SCNN1G: variants seen among roughly 807,000 people sequenced by gnomAD.
The protein encoded by SCNN1G is epithelial sodium channel subunit gamma.
A neutral mutation model predicts 64.6 loss-of-function variants in SCNN1G; 27 were observed. The observed-to-expected ratio is 0.42, with a 90% CI of 0.31 to 0.58. The LOEUF is 0.58. Among genes scored for constraint, SCNN1G ranks in the 20% least tolerant of loss-of-function variants. The probability of loss-of-function intolerance (pLI) is 0.18; values close to 1 mark genes in which losing one functional copy is unlikely to be tolerated. For missense variants in SCNN1G, 743 were observed against 823.4 expected (o/e 0.90, Z 1.19); for synonymous variants, 330 against 314.2 (o/e 1.05, Z -0.53).
chr16:23,212,857 C>T lies in SCNN1G; in HGVS notation c.1394C>T (p.Thr465Ile). ...EACSFKEWTL[T>I]TSLAQWPSVV... ...CTTAGCTTTAAAGAGTGGACACTAA[C>T]CACAAGCCTGGCACAATGGCCATCT... The change falls in exon 10 of 13, where the codon ACC becomes ATC. Residue 465 changes from threonine (T) to isoleucine (I), a missense_variant. Thr to Ile is a moderately conservative substitution (Grantham distance 89, BLOSUM62 -1). Transcript: ENST00000300061. 1 of 1,614,182 alleles carries T rather than the reference C, an allele frequency of 6.2e-7. No homozygotes were observed. Among genetic ancestry groups the T allele is most frequent in the South Asian group, 1.1e-5 (1 of 91,086 alleles).
chr16:23,208,669 C>T (rs1960031527), intron 6 of SCNN1G, among the ~76,000 whole-genome samples: 1 of 139,534 alleles, frequency 7.2e-6, no homozygotes, highest in Non-Finnish European at 1.5e-5. Flanking sequence ...CTTTCTTTCT[C>T]TCTCTTCTTT....
At chr16:23,210,525 C>G (rs372696160) in intron 7 of SCNN1G, among the ~76,000 whole-genome samples, 9 of 152,344 alleles carry the variant, frequency 5.9e-5, no homozygotes, top group African/African-American at 2.2e-4. Context: ...CCATCACTGT[C>G]TCCTGTAGAC....
At chr16:23,201,884 G>A (rs940964006) in intron 6 of SCNN1G, among the ~76,000 whole-genome samples, 4 of 152,248 alleles carry the variant, frequency 2.6e-5, no homozygotes, top group East Asian at 1.9e-4. Flanking sequence ...ATGACAGCTC[G>A]CAGATCACAG....
At chr16:23,194,728 G>A (rs1959769139) in intron 5 of SCNN1G, 2 of 207,534 alleles carry the variant, frequency 9.6e-6, no homozygotes, top group African/African-American at 4.6e-5. Context: ...GCAAGTTACT[G>A]CGCTTCGTCT....
At chr16:23,209,924 G>T (rs1417393474) in intron 7 of SCNN1G, 76 bp downstream of exon 7, 17 of 1,022,302 alleles carry the variant, frequency 1.7e-5, no homozygotes, top group Non-Finnish European at 2.3e-5. Context: ...CTAAGCTGGG[G>T]TGTGGCTTGC....
chr16:23,192,552 G>T lies in SCNN1G; in HGVS notation c.809+10G>T. The T allele has an allele frequency of 6.2e-7, 1 of 1,608,452 alleles. No homozygotes were observed. Among genetic ancestry groups the T allele is most frequent in the South Asian group, 1.1e-5 (1 of 90,496 alleles). On this transcript the variant is annotated intron_variant, in intron 4 of 12. Transcript: ENST00000300061. ...TGTCCTGTGATGCCAGGTCAGGAGAGAATGCTGCTCTCTCAGCCTCTAAGG... is the reference window on the plus strand; with the variant it reads ...TGTCCTGTGATGCCAGGTCAGGAGATAATGCTGCTCTCTCAGCCTCTAAGG...
chr16:23,205,041 G>T (rs1959967668), intron 6 of SCNN1G, among the ~76,000 whole-genome samples: 1 of 152,106 alleles, frequency 6.6e-6, no homozygotes, highest in African/African-American at 2.4e-5. Context: ...TCAAACTCCT[G>T]ACCTCAAGTG....
At position 23,215,466 on chromosome 16, in the gene SCNN1G, C is replaced by G. The variant is rs5723; in HGVS notation, c.1947C>G (p.Leu649=). Reference sequence around the variant, plus strand: ...CAGATACCCAGATGCTGGATGAGCTCTGAGGCAGGGTTGAGAAGACAGATC... The same window carrying G: ...CAGATACCCAGATGCTGGATGAGCTGTGAGGCAGGGTTGAGAAGACAGATC... The part of the protein sequence containing the change: ...QLTDTQMLDE[L] The change falls in exon 13 of 13, where the codon CTC becomes CTG. Residue 649 remains leucine (L), a synonymous_variant. Transcript: ENST00000300061. 0.21 allele frequency: 330,923 copies of G among 1,608,242 alleles called. 35,956 individuals carry two copies. Among genetic ancestry groups the G allele is most frequent in the African/African-American group, 0.25 (18,633 of 74,982 alleles).
At chr16:23,189,041 C>G (rs905836437) in intron 2 of SCNN1G, among the ~76,000 whole-genome samples, 1 of 152,078 alleles carries the variant, frequency 6.6e-6, no homozygotes, top group Non-Finnish European at 1.5e-5. Flanking sequence ...CTCACTGTGG[C>G]TGGTTTATGG....
chr16:23,187,112 T>TTC (rs1316823265), intron 2 of SCNN1G, among the ~76,000 whole-genome samples: 1 of 148,152 alleles, frequency 6.7e-6, no homozygotes, highest in Non-Finnish European at 1.5e-5. Context: ...TTTTCTTTTT[T>TTC]TTTTTTTTTT....
intron 11 of SCNN1G, among the ~76,000 whole-genome samples, chr16:23,213,531 C>T (rs1010240299): frequency 6.6e-6 from 1 of 152,284 alleles, no homozygotes. Context: ...GGATTATAGG[C>T]GTGAGCCACC....
At chr16:23,190,304 G>T (rs1596763637) in intron 3 of SCNN1G, among the ~76,000 whole-genome samples, 1 of 150,226 alleles carries the variant, frequency 6.7e-6, no homozygotes, top group South Asian at 2.2e-4. Flanking sequence ...GGAAAGAAAG[G>T]AAAGACACCC....
chr16:23,186,389 G>A lies in SCNN1G; in HGVS notation c.118G>A (p.Gly40Ser). ...GTACTGCCTCAACACCAACACCCAT[G>A]GCTGTCGCCGCATCGTGGTGTCCCG... ...RWYCLNTNTH[G>S]CRRIVVSRGR... is the part of the protein sequence containing the mutation. The change falls in exon 2 of 13, where the codon GGC becomes AGC. Residue 40 changes from glycine to serine, a missense_variant. Gly to Ser is a moderately conservative substitution (Grantham distance 56, BLOSUM62 0). Coordinates refer to ENST00000300061, the MANE Select transcript of SCNN1G (RefSeq NM_001039.4). 6.2e-7 allele frequency: 1 copy of A among 1,614,270 alleles called. No individual in the cohort carries two copies. Among genetic ancestry groups the A allele is most frequent in the African/African-American group, 1.3e-5 (1 of 75,070 alleles).
Position 23,189,546 on chromosome 16 carries a change from C to A in SCNN1G, c.493C>A (p.Gln165Lys). 6.2e-7 allele frequency: 1 copy of A among 1,614,232 alleles called. No homozygotes were observed. Among genetic ancestry groups the A allele is most frequent in the Non-Finnish European group, 8.5e-7 (1 of 1,180,038 alleles). Residue 165 changes from glutamine (Q) to lysine (K), a missense_variant, in exon 3 of 13, where the codon CAG becomes AAG. Coordinates refer to ENST00000300061, the MANE Select transcript of SCNN1G (RefSeq NM_001039.4). ...CCGGATTCCGCTGCTGATCTTTGAT[C>A]AGGATGAGAAGGGCAAGGCCAGGGA... ...SHRIPLLIFD[Q>K]DEKGKARDFF...
At position 23,186,241 on chromosome 16, in the gene SCNN1G, A is replaced by G. The variant is rs5732; in HGVS notation, c.-31A>G. ...TTGCCCCTCCAGCACGCCCGTCCTC[A>G]GAGTCCCGTCCTCAAAGTCCCATCC... is the stretch of plus-strand genomic sequence containing the variant. On this transcript the variant is annotated 5_prime_UTR_variant, in exon 2 of 13. Coordinates refer to ENST00000300061, the MANE Select transcript of SCNN1G (RefSeq NM_001039.4). 0.23 allele frequency: 371,104 copies of G among 1,610,944 alleles called. 44,618 individuals carry two copies. Among genetic ancestry groups the G allele is most frequent in the Admixed American group, 0.37 (22,103 of 59,864 alleles).
Position 23,190,681 on chromosome 16 carries a change from A to G in SCNN1G, c.618+1010A>G, listed in dbSNP as rs1375342195. 2.0e-5 allele frequency among the ~76,000 whole-genome samples: 3 copies of G among 152,232 alleles called. No individual in the cohort carries two copies. In the East Asian group the frequency reaches 5.8e-4, roughly 29 times the overall value. Reference sequence around the variant, plus strand: ...TCACCAGGCTGTATCCAGAGGGGGAAAGGAAATTCTTCCAAAGCAAAATTG... The same window carrying G: ...TCACCAGGCTGTATCCAGAGGGGGAGAGGAAATTCTTCCAAAGCAAAATTG... On this transcript the variant is annotated intron_variant, in intron 3 of 12. Coordinates refer to ENST00000300061, the MANE Select transcript of SCNN1G (RefSeq NM_001039.4).
chr16:23,192,349 C>G lies in SCNN1G; in HGVS notation c.619-3C>G. 6.2e-7 allele frequency: 1 copy of G among 1,613,346 alleles called. No individual in the cohort carries two copies. Among genetic ancestry groups the G allele is most frequent in the Non-Finnish European group, 8.5e-7 (1 of 1,179,294 alleles). ...TCAGCCTCGCATCTCCTCTTATTCA[C>G]AGTGCTCAAATGACACCTCCGACTG... On this transcript the variant is annotated splice_polypyrimidine_tract_variant and splice_region_variant and intron_variant, in intron 3 of 12. Transcript: ENST00000300061.
chr16:23,187,882 G>C (rs532030917), intron 2 of SCNN1G, among the ~76,000 whole-genome samples: 1 of 152,134 alleles, frequency 6.6e-6, no homozygotes, highest in Non-Finnish European at 1.5e-5. Context: ...AAGAAGAACA[G>C]GGGAGAAAGA....
intron 9 of SCNN1G, 30 bp downstream of exon 9, chr16:23,212,786 G>A (rs1189432114): frequency 3.1e-6 from 5 of 1,613,538 alleles, no homozygotes; most frequent in Non-Finnish European, 3.4e-6. Context: ...TGAGACGGGT[G>A]GCTGGGTTGG....
Sources: gnomAD v4.1 joint callset for allele counts (sites outside exome capture counted in the v4.1 genomes callset) on GRCh38, gnomAD v4.1.1 for gene constraint, MANE v1.5 for transcripts, NCBI Gene and HGNC (gene_info 2026-07-23, HGNC 2026-07-21) for gene names.